The following GLMN variants were observed in gnomAD, a reference collection of about 807,000 sequenced individuals.
GLMN encodes glomulin.
GLMN carries 75 observed loss-of-function variants against 87.8 expected under a neutral mutation model. The ratio of observed to expected loss-of-function variants is 0.85; its 90% CI spans 0.71 to 1.04. The LOEUF (loss-of-function observed/expected upper bound fraction) is 1.04, where lower values mean the gene tolerates loss of function less well. GLMN is among the 50% of genes least tolerant of loss of function. The probability of loss-of-function intolerance (pLI) is 0.00; values close to 1 mark genes in which losing one functional copy is unlikely to be tolerated. For synonymous variants in GLMN, 206 were observed against 221.6 expected (o/e 0.93, Z 0.63); for missense variants, 588 against 658.8 (o/e 0.89, Z 1.18).
At chr1:92,295,570 G>C (rs7412559) in intron 3 of GLMN, among the ~76,000 whole-genome samples, 1 of 152,152 alleles carries the variant, frequency 6.6e-6, no homozygotes, top group African/African-American at 2.4e-5. Flanking sequence ...TTAGAGGCTA[G>C]AAACCCAGTC....
rs190389755 is a variant in GLMN, at chr1:92,298,549, T to C, written c.-31+376A>G. ...GGGGTGAAGATTCAGATGCCCTCCA[T>C]TCCATTTCTCTCTAGGAGTTGCAGT... On this transcript the variant is annotated intron_variant, in intron 1 of 18. Coordinates refer to ENST00000370360, the MANE Select transcript of GLMN (RefSeq NM_053274.3). Among the ~76,000 whole-genome samples the C allele has an allele frequency of 1.5e-3, 221 of 152,294 alleles. 4 individuals carry two copies. Among genetic ancestry groups the C allele is most frequent in the Admixed American group, 0.014 (220 of 15,300 alleles).
intron 16 of GLMN, among the ~76,000 whole-genome samples, chr1:92,255,656 A>G (rs1654128874): frequency 6.6e-6 from 1 of 152,210 alleles, no homozygotes; most frequent in African/African-American, 2.4e-5. Context: ...CTGCTCCTGA[A>G]TGACTACTGG....
At chr1:92,322,817 C>T in the GLMN span, among the ~76,000 whole-genome samples, 1 of 151,418 alleles carries the variant, frequency 6.6e-6, no homozygotes, top group African/African-American at 2.4e-5. Flanking sequence ...GCAGAGGTTG[C>T]AGTGAGCTGA....
chr1:92,369,064 G>A, the GLMN span, among the ~76,000 whole-genome samples: 2 of 152,164 alleles, frequency 1.3e-5, no homozygotes, highest in Non-Finnish European at 2.9e-5. Flanking sequence ...CATCTTAAGT[G>A]TCACCTTTTG....
chr1:92,271,351 C>A, intron 8 of GLMN, 114 bp downstream of exon 8: 1 of 801,972 alleles, frequency 1.2e-6, no homozygotes, highest in South Asian at 1.4e-5. Context: ...ATAGCCTTTA[C>A]TATTTATTTA....
intron 7 of GLMN, among the ~76,000 whole-genome samples, chr1:92,276,092 G>A (rs1013776423): frequency 1.3e-5 from 2 of 151,996 alleles, no homozygotes; most frequent in South Asian, 2.1e-4. Context: ...AGGCATGCTG[G>A]GGTATGCCTG....
chr1:92,279,358 G>A (rs1302021535), intron 7 of GLMN, among the ~76,000 whole-genome samples: 1 of 150,816 alleles, frequency 6.6e-6, no homozygotes, highest in East Asian at 2.0e-4. Context: ...TTGGGAGGCT[G>A]AGGCAGGAGA....
At chr1:92,249,172 T>C (rs1315614617) in intron 16 of GLMN, among the ~76,000 whole-genome samples, 1 of 151,968 alleles carries the variant, frequency 6.6e-6, no homozygotes, top group Non-Finnish European at 1.5e-5. Flanking sequence ...ATGATCTCAT[T>C]TTCTTTTTAA....
At chr1:92,281,273 G>A (rs1191182045) in intron 7 of GLMN, among the ~76,000 whole-genome samples, 1 of 152,178 alleles carries the variant, frequency 6.6e-6, no homozygotes, top group African/African-American at 2.4e-5. Flanking sequence ...AGATCTCTCA[G>A]CAGAAACCCT....
chr1:92,329,840 C>T, the GLMN span, among the ~76,000 whole-genome samples: 1,090 of 152,256 alleles, frequency 7.2e-3, 12 homozygotes, highest in African/African-American at 0.025. Flanking sequence ...GAATGAGTGA[C>T]ATTAGCGTAT....
intron 16 of GLMN, among the ~76,000 whole-genome samples, chr1:92,259,801 C>A (rs1412950382): frequency 1.6e-5 from 2 of 125,898 alleles, no homozygotes; most frequent in African/African-American, 6.0e-5. Flanking sequence ...GTGGCATGAT[C>A]TCGGCTCACT....
At chr1:92,302,662 C>T (rs968484202), upstream of GLMN, among the ~76,000 whole-genome samples, 5 of 117,400 alleles carry the variant, frequency 4.3e-5, no homozygotes, top group Admixed American at 2.5e-4. Flanking sequence ...AGTGCAGTGG[C>T]GGGATCTCTG....
chr1:92,290,692 G>A (rs568450313), intron 4 of GLMN, among the ~76,000 whole-genome samples: 10 of 152,146 alleles, frequency 6.6e-5, no homozygotes, highest in Non-Finnish European at 1.3e-4. Flanking sequence ...ACTTTGCATT[G>A]CTTTCTGACT....
Position 92,288,945 on chromosome 1 carries a change from T to C in GLMN, c.601A>G (p.Asn201Asp), listed in dbSNP as rs1649089793. ...AGTAATTCATCCTTTAACTTTTCAT[T>C]TTCCAGTGAGTTTTCTTTGTTATCA... Reference protein sequence around the residue: ...VIDNKENSLENEKLKDELLKF... With the variant: ...VIDNKENSLEDEKLKDELLKF... Residue 201 changes from asparagine to aspartate, a missense_variant, in exon 6 of 19, where the codon AAT becomes GAT. Physicochemically the swap from Asn to Asp is conservative, Grantham distance 23. Transcript: ENST00000370360. The C allele has an allele frequency of 6.2e-7, 1 of 1,601,912 alleles. No individual in the cohort carries two copies. The highest frequency in any genetic ancestry group is 1.3e-5 in the African/African-American group (1 of 74,678).
the GLMN span, among the ~76,000 whole-genome samples, chr1:92,326,917 G>C: frequency 6.6e-6 from 1 of 152,194 alleles, no homozygotes; most frequent in Non-Finnish European, 1.5e-5. Flanking sequence ...ACATCTCCCA[G>C]CCTGTGGAGT....
At chr1:92,331,241 C>T in the GLMN span, among the ~76,000 whole-genome samples, 2 of 152,182 alleles carry the variant, frequency 1.3e-5, no homozygotes, top group Non-Finnish European at 2.9e-5. Context: ...ACTTTGCTGA[C>T]ATTAACATTC....
At chr1:92,369,978 G>A in the GLMN span, among the ~76,000 whole-genome samples, 4 of 152,262 alleles carry the variant, frequency 2.6e-5, no homozygotes, top group East Asian at 5.8e-4. Context: ...CCCACCTCCA[G>A]GGTTCAAGTG....
At chr1:92,364,543 A>G in the GLMN span, among the ~76,000 whole-genome samples, 5 of 152,128 alleles carry the variant, frequency 3.3e-5, no homozygotes, top group Non-Finnish European at 7.4e-5. Flanking sequence ...ATATCTCCCA[A>G]GCATTTCAAA....
chr1:92,260,893 A>C lies in GLMN; in HGVS notation c.1473+1970T>G, dbSNP rs540942922. ...AGTATAGCAGACATTGCACAATGCT[A>C]AACTGCTCTCAGGTCTTCCCTCTCT... On this transcript the variant is annotated intron_variant, in intron 16 of 18. Coordinates refer to ENST00000370360, the MANE Select transcript of GLMN (RefSeq NM_053274.3). 2.6e-5 allele frequency among the ~76,000 whole-genome samples: 4 copies of C among 152,222 alleles called. No homozygotes were observed. In the East Asian group the frequency reaches 7.7e-4, roughly 29 times the overall value.
Sources: gnomAD v4.1 joint callset for allele counts (sites outside exome capture counted in the v4.1 genomes callset) on GRCh38, gnomAD v4.1.1 for gene constraint, MANE v1.5 for transcripts, NCBI Gene and HGNC (gene_info 2026-07-23, HGNC 2026-07-21) for gene names.